USP6: variants seen among roughly 807,000 people sequenced by gnomAD.
USP6 encodes the protein ubiquitin specific peptidase 6.
In USP6, 128 loss-of-function variants were observed where a neutral mutation model predicts 175.7. The observed-to-expected ratio is 0.73, with a 90% CI of 0.63 to 0.84. The LOEUF is 0.84. Ranked by LOEUF, USP6 falls within the 40% of genes least tolerant of loss-of-function variation. USP6 has a pLI of 0.00. For missense variants in USP6, 1,498 were observed against 1,760.3 expected, an observed-to-expected ratio of 0.85 and a Z score of 2.67; for synonymous variants, 562 against 630.6, an observed-to-expected ratio of 0.89 and a Z score of 1.63.
At chr17:5,146,307 A>C in intron 28 of USP6, 133 bp downstream of exon 28, 9 of 1,306,894 alleles carry the variant, frequency 6.9e-6, no homozygotes, top group Non-Finnish European at 9.2e-6. Flanking sequence ...AACAACAACA[A>C]AAAATGCCAA....
At chr17:5,151,578 C>T (rs1211194935) in intron 30 of USP6, among the ~76,000 whole-genome samples, 1 of 152,074 alleles carries the variant, frequency 6.6e-6, no homozygotes, top group Non-Finnish European at 1.5e-5. Context: ...GATTGGATAT[C>T]ATCCAGATAT....
chr17:5,143,752 A>T (rs958430816), intron 25 of USP6, among the ~76,000 whole-genome samples: 40 of 136,280 alleles, frequency 2.9e-4, no homozygotes, highest in East Asian at 2.7e-3. Context: ...AATGATCAAT[A>T]AAAAAAAAAA....
Position 5,172,929 on chromosome 17 carries a change from C to A in USP6, c.4172C>A (p.Thr1391Lys). 6.2e-7 allele frequency: 1 copy of A among 1,613,906 alleles called. No individual in the cohort carries two copies. Among genetic ancestry groups the A allele is most frequent in the Non-Finnish European group, 8.5e-7 (1 of 1,179,856 alleles). Residue 1391 changes from threonine to lysine, a missense_variant, in exon 38 of 38, where the codon ACG becomes AAG. Transcript: ENST00000574788. ...AAAAAGATGGCAGACACAAGCAGTA[C>A]GGATGAAGACTCTGAGTCTGATTAC... Reference protein sequence around the residue: ...DGKKMADTSSTDEDSESDYEK... With the variant: ...DGKKMADTSSKDEDSESDYEK...
intron 4 of USP6, among the ~76,000 whole-genome samples, chr17:5,123,475 G>C (rs2072775526): frequency 6.6e-6 from 1 of 152,074 alleles, no homozygotes; most frequent in African/African-American, 2.4e-5. Flanking sequence ...GGCCCAGCCC[G>C]CGTCACCCGG....
chr17:5,161,664 A>G, intron 32 of USP6, 50 bp downstream of exon 32: 1 of 1,588,454 alleles, frequency 6.3e-7, no homozygotes, highest in Non-Finnish European at 8.6e-7. Flanking sequence ...AGCTTTAGAT[A>G]TTATACAATT....
chr17:5,130,644 G>T lies in USP6; in HGVS notation c.115G>T (p.Val39Phe). The T allele has an allele frequency of 3.1e-6, 5 of 1,613,926 alleles. No individual in the cohort carries two copies. Among genetic ancestry groups the T allele is most frequent in the Non-Finnish European group, 4.2e-6 (5 of 1,179,830 alleles). Residue 39 changes from valine to phenylalanine, a missense_variant, in exon 11 of 38, where the codon GTT becomes TTT. By Grantham distance (50) the Val-to-Phe change is conservative (BLOSUM62 -1). This residue lies in a region of USP6 where 281 missense variants were observed against 259.6 expected (regional missense o/e 1.08). Coordinates refer to ENST00000574788, the MANE Select transcript of USP6 (RefSeq NM_001304284.2). ...GLPEDKGPEP[V>F]GINSSIDRFG... Reference sequence around the variant, plus strand: ...GCCAGAGGACAAGGGGCCTGAGCCCGTTGGAATCAACAGCAGCATTGATCG... The same window carrying T: ...GCCAGAGGACAAGGGGCCTGAGCCCTTTGGAATCAACAGCAGCATTGATCG...
At position 5,132,877 on chromosome 17, in the gene USP6, G is replaced by A. The variant is rs774774884; in HGVS notation, c.196-33G>A. ...ATGGGCGGCTCTGGGAAGCCTGGCA[G>A]CTCCACTAACTCCAACATGCCTCAT... On this transcript the variant is annotated intron_variant, in intron 12 of 37. Coordinates refer to ENST00000574788, the MANE Select transcript of USP6 (RefSeq NM_001304284.2). The surrounding 1 kb of genome is among the most constrained non-coding windows in gnomAD (Gnocchi z 4.7). The A allele has an allele frequency of 1.9e-6, 3 of 1,613,176 alleles. No individual in the cohort carries two copies. The East Asian group carries it at 6.7e-5, about 36-fold the overall frequency.
At chr17:5,162,138 T>C (rs2074016156) in intron 32 of USP6, among the ~76,000 whole-genome samples, 2 of 152,158 alleles carry the variant, frequency 1.3e-5, no homozygotes. Flanking sequence ...ACTCTATAAA[T>C]TCACCTCTCC....
chr17:5,117,637 T>C (rs2072566399), intron 1 of USP6, among the ~76,000 whole-genome samples: 1 of 152,012 alleles, frequency 6.6e-6, no homozygotes, highest in Admixed American at 6.5e-5. Flanking sequence ...GGGAAATCAC[T>C]GTGGAAATTT....
At chr17:5,146,995 A>T in intron 28 of USP6, 88 bp from the exon 29 acceptor site, 6 of 1,326,016 alleles carry the variant, frequency 4.5e-6, no homozygotes, top group Non-Finnish European at 6.2e-6. Context: ...AAAGGACCTA[A>T]GACATTCTTT....
At chr17:5,137,532 C>G (rs1688148805) in intron 19 of USP6, 119 bp from the exon 20 acceptor site, 1 of 1,040,418 alleles carries the variant, frequency 9.6e-7, no homozygotes, top group Admixed American at 1.9e-5. Context: ...CTGGAGGGCT[C>G]AGGTGACCCT....
rs1330455151 is a variant in USP6, at chr17:5,132,293, A to T, written c.156-103A>T. 3.7e-6 allele frequency: 6 copies of T among 1,610,114 alleles called. No individual in the cohort carries two copies. In the South Asian group the frequency reaches 6.6e-5, roughly 18 times the overall value. On this transcript the variant is annotated intron_variant, in intron 11 of 37. Coordinates refer to ENST00000574788, the MANE Select transcript of USP6 (RefSeq NM_001304284.2). This position sits in a 1 kb window ranked among gnomAD's most constrained non-coding sequence, Gnocchi z 4.7. Reference sequence around the variant, plus strand: ...GTGCCTTCTCCCGGGCTGAGCCCTGAGCTGGATAGGGACAGAGCCAGTCCT... The same window carrying T: ...GTGCCTTCTCCCGGGCTGAGCCCTGTGCTGGATAGGGACAGAGCCAGTCCT...
chr17:5,133,491 G>C lies in USP6; in HGVS notation c.325G>C (p.Val109Leu), dbSNP rs768696036. The change falls in exon 14 of 38, where the codon GTG becomes CTG. Residue 109 changes from valine (V) to leucine (L), a missense_variant. By Grantham distance (32) the Val-to-Leu change is conservative. Transcript: ENST00000574788. ...KGIPMNIRGP[V>L]WSVLLNIQEI... ...AATTCCCATGAACATCCGGGGCCCGGTGTGGTCAGTCCTCCTGAACATTCA... is the reference window on the plus strand; with the variant it reads ...AATTCCCATGAACATCCGGGGCCCGCTGTGGTCAGTCCTCCTGAACATTCA... 57 of 1,611,664 alleles carry C rather than the reference G, an allele frequency of 3.5e-5. No individual in the cohort carries two copies. The highest frequency in any genetic ancestry group is 4.7e-5 in the Non-Finnish European group (56 of 1,179,712).
chr17:5,168,834 T>A lies in USP6; in HGVS notation c.3296T>A (p.Phe1099Tyr). 6.2e-7 allele frequency: 1 copy of A among 1,611,594 alleles called. No individual in the cohort carries two copies. The highest frequency in any genetic ancestry group is 8.5e-7 in the Non-Finnish European group (1 of 1,179,092). The part of the protein sequence containing the change: ...QWIKSQKIVR[F>Y]LRESFDPSAF... ...ATAAAATCACAGAAAATTGTCAGATTTCTTCGGGAAAGTTTTGATCCGAGT... is the reference window on the plus strand; with the variant it reads ...ATAAAATCACAGAAAATTGTCAGATATCTTCGGGAAAGTTTTGATCCGAGT... Residue 1099 changes from phenylalanine (F) to tyrosine (Y), a missense_variant, in exon 35 of 38, where the codon TTT (phenylalanine) becomes TAT (tyrosine). By Grantham distance (22) the Phe-to-Tyr change is conservative. Coordinates refer to ENST00000574788, the MANE Select transcript of USP6 (RefSeq NM_001304284.2).
rs764415251 is a variant in USP6, at chr17:5,132,570, ACCTGACC to A, written c.195+138_195+144del. The A allele has an allele frequency of 8.7e-5, 131 of 1,509,854 alleles. No homozygotes were observed. Among genetic ancestry groups the A allele is most frequent in the Non-Finnish European group, 1.2e-4 (127 of 1,087,728 alleles). The allele number at this position is 1,509,854 out of a possible 1,614,324, so 93.5% of individuals were successfully genotyped here. ...GCTGTCACTGGGAGGGGCAGCAGAG[ACCTGACC>A]CCAAGTTGCTGTAACTTTGGCAGTT... On this transcript the variant is annotated intron_variant, in intron 12 of 37. Transcript: ENST00000574788. This position sits in a 1 kb window ranked among gnomAD's most constrained non-coding sequence, Gnocchi z 4.7.
chr17:5,155,861 A>G (rs2073872613), intron 31 of USP6, among the ~76,000 whole-genome samples: 1 of 152,176 alleles, frequency 6.6e-6, no homozygotes, highest in South Asian at 2.1e-4. Flanking sequence ...CTTTTGCCAA[A>G]CATTCTAGTG....
At chr17:5,167,852 C>T (rs1011054115) in intron 33 of USP6, 80 bp from the exon 34 acceptor site, 21 of 1,487,820 alleles carry the variant, frequency 1.4e-5, no homozygotes, top group South Asian at 6.6e-5. Flanking sequence ...GGTGAGTGAC[C>T]GAGCGGTTGA....
rs1231878831 is a variant in USP6, at chr17:5,173,602, G to A, written c.*624G>A. The A allele has an allele frequency of 1.4e-5, 3 of 219,794 alleles. No homozygotes were observed. The highest frequency in any genetic ancestry group is 4.5e-5 in the African/African-American group (2 of 44,572). The allele number at this position is 219,794 out of a possible 1,614,324, so 13.6% of individuals were successfully genotyped here. A position where few individuals can be genotyped will look rare whatever the true frequency, so the allele number is the denominator to read the frequency against. On this transcript the variant is annotated 3_prime_UTR_variant, in exon 38 of 38. Coordinates refer to ENST00000574788, the MANE Select transcript of USP6 (RefSeq NM_001304284.2). ...CAGTCATTGGTGGCAGGGGCATAGA[G>A]TGGTCAGTCTGAAAGGGAGGCTCTC...
intron 30 of USP6, among the ~76,000 whole-genome samples, chr17:5,150,207 G>A (rs9914635): frequency 0.012 from 1,840 of 151,806 alleles, 45 homozygotes; most frequent in African/African-American, 0.041. Flanking sequence ...CAGGAGAATC[G>A]CTTGAACCTG....
Sources: gnomAD v4.1 joint callset for allele counts (sites outside exome capture counted in the v4.1 genomes callset) on GRCh38, gnomAD v4.1.1 for gene constraint, gnomAD v4.1.1 regional missense constraint, Gnocchi (gnomAD v3.1) non-coding constraint, MANE v1.5 for transcripts, NCBI Gene and HGNC (gene_info 2026-07-23, HGNC 2026-07-21) for gene names.